The following RBFOX1 variants were observed in gnomAD, a reference collection of about 807,000 sequenced individuals.
RBFOX1 encodes the protein RNA binding fox-1 homolog 1.
A neutral mutation model predicts 57.7 loss-of-function variants in RBFOX1; 8 were observed. The observed-to-expected ratio is 0.14, with a 90% CI of 0.08 to 0.25. The LOEUF is 0.25. RBFOX1 is among the 10% of genes least tolerant of loss of function. The pLI is 1.00. For synonymous variants in RBFOX1, 326 were observed against 222.4 expected (o/e 1.47, Z -4.15); for missense variants, 611 against 548.5 (o/e 1.11, Z -1.14).
chr16:7,346,503 G>T (rs1407085299), intron 4 of RBFOX1, among the ~76,000 whole-genome samples: 3 of 151,942 alleles, frequency 2.0e-5, no homozygotes, highest in Non-Finnish European at 4.4e-5. Context: ...GTTAGCATTG[G>T]TTCTAAACTC....
intron 3 of RBFOX1, among the ~76,000 whole-genome samples, chr16:6,945,964 C>A (rs113308092): frequency 2.6e-5 from 4 of 152,198 alleles, no homozygotes; most frequent in East Asian, 1.9e-4. Context: ...CATTCTGCCT[C>A]AATTTCCACA....
chr16:5,371,037 T>TC (rs2065845024), intron 1 of RBFOX1, among the ~76,000 whole-genome samples: 1 of 152,212 alleles, frequency 6.6e-6, no homozygotes, highest in South Asian at 2.1e-4. Flanking sequence ...AACCTCTGCC[T>TC]CCCGGGTTCA....
chr16:6,810,072 A>T (rs1282264775), intron 3 of RBFOX1, among the ~76,000 whole-genome samples: 2 of 144,476 alleles, frequency 1.4e-5, no homozygotes, highest in South Asian at 2.2e-4. Context: ...CTCTGGTCTG[A>T]TGGGGTCTCA....
intron 2 of RBFOX1, among the ~76,000 whole-genome samples, chr16:5,591,121 C>T (rs1201872873): frequency 6.6e-6 from 1 of 151,034 alleles, no homozygotes; most frequent in African/African-American, 2.4e-5. Context: ...TTTTAAAAAT[C>T]AAATAAAAAG....
At chr16:5,957,688 G>A (rs1018566629) in intron 4 of RBFOX1, among the ~76,000 whole-genome samples, 1 of 152,036 alleles carries the variant, frequency 6.6e-6, no homozygotes, top group Admixed American at 6.5e-5. Flanking sequence ...AATTTTGTGG[G>A]TACACAGCAG....
At chr16:5,616,601 CCTCTTCCCTCT>C (rs1244079499) in intron 3 of RBFOX1, among the ~76,000 whole-genome samples, 3 of 149,132 alleles carry the variant, frequency 2.0e-5, no homozygotes, top group African/African-American at 7.4e-5. Flanking sequence ...TCCTCCTCCT[CCTCTTCCCTCT>C]CTCTTCTCTC....
At chr16:5,923,988 G>T (rs1230536940) in intron 4 of RBFOX1, among the ~76,000 whole-genome samples, 1 of 152,122 alleles carries the variant, frequency 6.6e-6, no homozygotes, top group Admixed American at 6.5e-5. Flanking sequence ...ACGTGTCAAG[G>T]TCAGGACAAT....
At chr16:5,304,766 A>G (rs547457016) in intron 1 of RBFOX1, among the ~76,000 whole-genome samples, 2 of 152,146 alleles carry the variant, frequency 1.3e-5, no homozygotes, top group African/African-American at 2.4e-5. Context: ...GAAGGAAATA[A>G]TTTCTCTGTG....
chr16:7,011,715 C>T (rs1421647815), intron 3 of RBFOX1, among the ~76,000 whole-genome samples: 1 of 152,112 alleles, frequency 6.6e-6, no homozygotes, highest in Non-Finnish European at 1.5e-5. Flanking sequence ...GGAGTTTCAC[C>T]ATGTTAGTCA....
At chr16:7,627,905 T>C (rs1181166221) in intron 10 of RBFOX1, among the ~76,000 whole-genome samples, 2 of 145,534 alleles carry the variant, frequency 1.4e-5, no homozygotes, top group African/African-American at 5.6e-5. Context: ...TCAAAATCAT[T>C]GCATAAAGAT....
At chr16:6,496,757 C>T (rs147277138) in intron 2 of RBFOX1, among the ~76,000 whole-genome samples, 2 of 151,982 alleles carry the variant, frequency 1.3e-5, no homozygotes, top group African/African-American at 2.4e-5. Context: ...GTCAGGAGTT[C>T]GAGACCAGCC....
intron 1 of RBFOX1, among the ~76,000 whole-genome samples, chr16:6,158,317 A>G (rs537221430): frequency 3.3e-5 from 5 of 152,294 alleles, no homozygotes; most frequent in Admixed American, 3.3e-4. Context: ...GCAATCAGAT[A>G]TTTGTGAACA....
At chr16:5,688,479 C>A (rs1241128631) in intron 3 of RBFOX1, among the ~76,000 whole-genome samples, 1 of 152,172 alleles carries the variant, frequency 6.6e-6, no homozygotes, top group African/African-American at 2.4e-5. Context: ...TTGAACGATG[C>A]ATTTCCTATT....
intron 4 of RBFOX1, among the ~76,000 whole-genome samples, chr16:7,452,272 A>G (rs1173006200): frequency 6.6e-6 from 1 of 152,218 alleles, no homozygotes; most frequent in Non-Finnish European, 1.5e-5. Context: ...TAGGGTAACA[A>G]TGTAGCTTGA....
chr16:5,401,405 G>A (rs561253620), intron 1 of RBFOX1, among the ~76,000 whole-genome samples: 5 of 152,076 alleles, frequency 3.3e-5, no homozygotes, highest in African/African-American at 9.7e-5. Context: ...AGCAATGTCC[G>A]TGCTGTGACT....
In RBFOX1 at chr16:6,812,776, C is replaced by T. The variant is rs373140153; in HGVS notation, c.-16+158126C>T. On this transcript the variant is annotated intron_variant, in intron 3 of 15. Transcript: ENST00000550418. ...TGGAGGCCTCATTTGTGCTCATAAGCGGCATTTTCCTTGTGGACCTCCTGT... is the reference window on the plus strand; with the variant it reads ...TGGAGGCCTCATTTGTGCTCATAAGTGGCATTTTCCTTGTGGACCTCCTGT... Among the ~76,000 whole-genome samples, 15 of 152,204 alleles carry T rather than the reference C, an allele frequency of 9.9e-5. No individual in the cohort carries two copies. The South Asian group carries it at 1.2e-3, about 13-fold the overall frequency.
chr16:5,449,033 G>A (rs1307240381), intron 1 of RBFOX1, among the ~76,000 whole-genome samples: 1 of 152,034 alleles, frequency 6.6e-6, no homozygotes, highest in Non-Finnish European at 1.5e-5. Context: ...TGAGCTGCAC[G>A]GGACTGCCCC....
intron 2 of RBFOX1, among the ~76,000 whole-genome samples, chr16:6,525,501 TGTTG>T (rs2096566053): frequency 1.3e-5 from 2 of 152,182 alleles, no homozygotes; most frequent in Non-Finnish European, 2.9e-5. Context: ...TGTTTCACTT[TGTTG>T]GTTGGTGCTG....
At chr16:6,512,992 G>C (rs12929349) in intron 2 of RBFOX1, among the ~76,000 whole-genome samples, 1 of 152,046 alleles carries the variant, frequency 6.6e-6, no homozygotes, top group Non-Finnish European at 1.5e-5. Flanking sequence ...ATTTTGTTAC[G>C]AATTCCTACT....
Sources: allele counts gnomAD v4.1 joint callset (sites outside exome capture counted in the v4.1 genomes callset), GRCh38; gene constraint gnomAD v4.1.1; transcripts MANE v1.5; gene names NCBI Gene and HGNC (gene_info 2026-07-23, HGNC 2026-07-21).